The following COL4A2 variants were observed in gnomAD, a reference collection of about 807,000 sequenced individuals.
COL4A2 encodes collagen alpha-2(IV) chain.
COL4A2 carries 99 observed loss-of-function variants against 200.2 expected under a neutral mutation model. That is an observed-to-expected ratio of 0.49 (90% confidence interval 0.42 to 0.58). The LOEUF is 0.58. Among genes scored for constraint, COL4A2 ranks in the 20% least tolerant of loss-of-function variants. COL4A2 has a pLI of 0.00. For synonymous variants in COL4A2, 897 were observed against 900.6 expected, an observed-to-expected ratio of 1.00 and a Z score of 0.07; for missense variants, 1,950 against 2,314.1, an observed-to-expected ratio of 0.84 and a Z score of 3.23.
rs997189413 is a variant in COL4A2, at chr13:110,440,882, G to A, written c.957+1049G>A. On this transcript the variant is annotated intron_variant, in intron 16 of 47. Transcript: ENST00000360467. ...ACGTGTAGCTTCACATGCATGTAAC[G>A]GAGCAACAAAAGAAATGTGTCTGTG... Among the ~76,000 whole-genome samples, 13 of 152,210 alleles carry A rather than the reference G, an allele frequency of 8.5e-5. No homozygotes were observed. The South Asian group carries it at 1.9e-3, about 22-fold the overall frequency.
At chr13:110,406,575 A>G (rs1023951890) in intron 4 of COL4A2, among the ~76,000 whole-genome samples, 26 of 152,176 alleles carry the variant, frequency 1.7e-4, no homozygotes, top group African/African-American at 6.3e-4. Flanking sequence ...GAGCTTCAAA[A>G]GTAATTGTAA....
At chr13:110,505,186 T>TA (rs1159538177) in intron 45 of COL4A2, among the ~76,000 whole-genome samples, 2 of 151,442 alleles carry the variant, frequency 1.3e-5, no homozygotes, top group African/African-American at 4.9e-5. Flanking sequence ...CCGTCTCTAC[T>TA]AAAAATACAA....
chr13:110,398,044 G>A (rs1261835757), intron 4 of COL4A2, among the ~76,000 whole-genome samples: 1 of 151,950 alleles, frequency 6.6e-6, no homozygotes, highest in Non-Finnish European at 1.5e-5. Flanking sequence ...ACATTTTGAA[G>A]GGCTTTGAAG....
At chr13:110,311,402 C>T (rs1321209216) in intron 3 of COL4A2, among the ~76,000 whole-genome samples, 2 of 152,186 alleles carry the variant, frequency 1.3e-5, no homozygotes, top group Non-Finnish European at 2.9e-5. Context: ...GGGGTCCCAT[C>T]CCAGACTTGA....
chr13:110,443,407 A>T (rs1226937499), intron 16 of COL4A2, among the ~76,000 whole-genome samples: 6 of 152,186 alleles, frequency 3.9e-5, no homozygotes, highest in Admixed American at 3.9e-4. Flanking sequence ...CATTCTTTTC[A>T]TCTGTTTGTG....
At chr13:110,502,824 C>T (rs1005351739) in intron 41 of COL4A2, 10 of 317,912 alleles carry the variant, frequency 3.1e-5, no homozygotes, top group African/African-American at 1.6e-4. Flanking sequence ...GAGAGGGACA[C>T]GGGGAGTGCG....
rs1294088315 is a variant in COL4A2 at position 110,434,425 on chromosome 13, G to A, written c.709G>A (p.Gly237Arg). 7 of 1,613,826 alleles carry A rather than the reference G, an allele frequency of 4.3e-6. No homozygotes were observed. The highest frequency in any genetic ancestry group is 1.3e-5 in the African/African-American group (1 of 74,922). ...QQGNRGLGFY[G>R]VKGEKGDVGQ... ...GGGCAACAGAGGACTTGGTTTCTAC[G>A]GAGTTAAGGGTGAAAAGGTAAAGGA... is the stretch of plus-strand genomic sequence containing the variant. The change falls in exon 12 of 48, where the codon GGA (glycine) becomes AGA (arginine). Residue 237 changes from glycine to arginine, a missense_variant. Physicochemically the swap from Gly to Arg is moderately radical, Grantham distance 125. Transcript: ENST00000360467.
At chr13:110,488,571 C>T (rs2139532771) in intron 34 of COL4A2, among the ~76,000 whole-genome samples, 1 of 152,316 alleles carries the variant, frequency 6.6e-6, no homozygotes, top group South Asian at 2.1e-4. Context: ...TGGAGGCGCA[C>T]AGCCCCATAT....
intron 4 of COL4A2, among the ~76,000 whole-genome samples, chr13:110,372,388 C>T (rs1295776812): frequency 2.6e-5 from 4 of 152,202 alleles, no homozygotes; most frequent in Non-Finnish European, 5.9e-5. Context: ...TTCAGAACCT[C>T]GTAAGTCTCT....
chr13:110,316,727 G>A (rs545740847), intron 3 of COL4A2, among the ~76,000 whole-genome samples: 1 of 152,316 alleles, frequency 6.6e-6, no homozygotes, highest in South Asian at 2.1e-4. Context: ...ACTGAGGCAT[G>A]TGCAGGAAGG....
chr13:110,368,472 C>T (rs1313525455), intron 4 of COL4A2, among the ~76,000 whole-genome samples: 2 of 152,206 alleles, frequency 1.3e-5, no homozygotes, highest in Non-Finnish European at 2.9e-5. Flanking sequence ...TAATGGTAGA[C>T]ATGCCTTTGA....
intron 27 of COL4A2, chr13:110,468,355 A>T (rs764939550): frequency 6.4e-6 from 3 of 470,942 alleles, no homozygotes; most frequent in Admixed American, 4.7e-5. Context: ...ACCGTCACTC[A>T]TACAGCAACC....
Position 110,370,137 on chromosome 13 carries a change from T to C in COL4A2, c.180+12585T>C, listed in dbSNP as rs532648240. On this transcript the variant is annotated intron_variant, in intron 4 of 47. Coordinates refer to ENST00000360467, the MANE Select transcript of COL4A2 (RefSeq NM_001846.4). ...GTACTTCTAAAACTCTGTCCTAGAA[T>C]CACATCACTCTCTTTTACCAACCAG... 2.5e-3 allele frequency among the ~76,000 whole-genome samples: 374 copies of C among 151,714 alleles called. 2 individuals are homozygous for C. The highest frequency in any genetic ancestry group is 8.5e-3 in the African/African-American group (350 of 41,298).
intron 4 of COL4A2, among the ~76,000 whole-genome samples, chr13:110,392,231 G>A (rs1397409166): frequency 6.6e-6 from 1 of 152,206 alleles, no homozygotes; most frequent in African/African-American, 2.4e-5. Flanking sequence ...CAACTTGACT[G>A]ATTTAAAAGA....
chr13:110,417,634 C>T (rs1057149364), intron 4 of COL4A2, among the ~76,000 whole-genome samples: 3 of 152,194 alleles, frequency 2.0e-5, no homozygotes, highest in Non-Finnish European at 4.4e-5. Flanking sequence ...CCCTCCACCT[C>T]CAGTCCTGGC....
intron 21 of COL4A2, 30 bp downstream of exon 21, chr13:110,457,465 G>T (rs768764558): frequency 3.1e-6 from 4 of 1,308,086 alleles, no homozygotes; most frequent in Non-Finnish European, 2.2e-6. Context: ...ACGGGATGAG[G>T]ACAGCCTGGC....
At chr13:110,363,548 CTT>C (rs1451247085) in intron 4 of COL4A2, among the ~76,000 whole-genome samples, 1 of 152,102 alleles carries the variant, frequency 6.6e-6, no homozygotes, top group African/African-American at 2.4e-5. Context: ...CAAGAAAATT[CTT>C]TGTCTTTGGC....
chr13:110,367,901 G>A (rs551706929), intron 4 of COL4A2, among the ~76,000 whole-genome samples: 3 of 152,278 alleles, frequency 2.0e-5, no homozygotes, highest in Admixed American at 6.5e-5. Context: ...TACTGTACAC[G>A]TTCACAGCCC....
chr13:110,375,931 T>C (rs1466745302), intron 4 of COL4A2, among the ~76,000 whole-genome samples: 2 of 152,256 alleles, frequency 1.3e-5, no homozygotes, highest in Non-Finnish European at 2.9e-5. Flanking sequence ...TCTTCTGTGC[T>C]GCAGAAGCAT....
Sources: allele counts gnomAD v4.1 joint callset (sites outside exome capture counted in the v4.1 genomes callset), GRCh38; gene constraint gnomAD v4.1.1; transcripts MANE v1.5; gene names NCBI Gene and HGNC (gene_info 2026-07-23, HGNC 2026-07-21).